The following SLC67A1 variants were observed in gnomAD, a reference collection of about 807,000 sequenced individuals.
SLC67A1 encodes solute carrier family 67 member A1.
the SLC67A1 span, chr11:2,925,029 C>G: frequency 6.2e-7 from 1 of 1,612,072 alleles, no homozygotes; most frequent in Non-Finnish European, 8.5e-7. This position sits in a 1 kb window ranked among gnomAD's most constrained non-coding sequence, Gnocchi z 6.5. Flanking sequence ...TGGGCCTCTG[C>G]GCCTCTGTAC....
chr11:2,914,399 C>A, the SLC67A1 span, among the ~76,000 whole-genome samples: 4 of 152,116 alleles, frequency 2.6e-5, no homozygotes, highest in Non-Finnish European at 4.4e-5. Context: ...GGCTGTCCGG[C>A]GTGCAGAGGC....
chr11:2,909,631 C>A, the SLC67A1 span: 2 of 1,534,102 alleles, frequency 1.3e-6, no homozygotes, highest in South Asian at 1.2e-5. Flanking sequence ...GCCCGCGGCC[C>A]TGGGCCGGCT....
the SLC67A1 span, among the ~76,000 whole-genome samples, chr11:2,911,790 G>T: frequency 6.6e-6 from 1 of 152,098 alleles, no homozygotes; most frequent in Non-Finnish European, 1.5e-5. Flanking sequence ...GCCCGTCTAC[G>T]AGGCCACAGG....
the SLC67A1 span, chr11:2,925,087 C>T: frequency 3.6e-3 from 5,784 of 1,613,838 alleles, 14 homozygotes; most frequent in Non-Finnish European, 4.2e-3. This position sits in a 1 kb window ranked among gnomAD's most constrained non-coding sequence, Gnocchi z 6.5. Context: ...CCTCCTGTAC[C>T]GCAGCTTTGG....
chr11:2,903,264 C>T, the SLC67A1 span: 8 of 1,562,038 alleles, frequency 5.1e-6, no homozygotes, highest in African/African-American at 1.4e-5. Context: ...CACCCCTGCC[C>T]GGATCAACTG....
the SLC67A1 span, among the ~76,000 whole-genome samples, chr11:2,915,467 G>T: frequency 6.6e-6 from 1 of 152,170 alleles, no homozygotes; most frequent in Admixed American, 6.5e-5. Context: ...AGATTTGGAG[G>T]ATCTGTTGAG....
chr11:2,908,420 C>G, the SLC67A1 span: 1 of 957,924 alleles, frequency 1.0e-6, no homozygotes. Context: ...GGTTCCCTGA[C>G]CCCACACCGG....
the SLC67A1 span, chr11:2,919,426 C>T: frequency 9.5e-6 from 15 of 1,582,948 alleles, no homozygotes; most frequent in African/African-American, 1.9e-4. Context: ...GCACACAGGG[C>T]CTGCTGGGGG....
chr11:2,915,963 C>T, the SLC67A1 span, among the ~76,000 whole-genome samples: 1 of 152,232 alleles, frequency 6.6e-6, no homozygotes, highest in Admixed American at 6.5e-5. Context: ...ACGGTACAGC[C>T]AGAGTCCCAG....
At chr11:2,914,680 A>G in the SLC67A1 span, 2 of 984,816 alleles carry the variant, frequency 2.0e-6, no homozygotes, top group Non-Finnish European at 2.4e-6. Flanking sequence ...TCCTGCCACC[A>G]TGCCTTGCTT....
At chr11:2,900,360 G>A in the SLC67A1 span, among the ~76,000 whole-genome samples, 100 of 152,164 alleles carry the variant, frequency 6.6e-4, no homozygotes, top group South Asian at 2.1e-3. Flanking sequence ...ATTGATTGAC[G>A]TGTGTGAATG....
chr11:2,918,190 GT>G, the SLC67A1 span: 4 of 909,482 alleles, frequency 4.4e-6, no homozygotes, highest in Non-Finnish European at 6.8e-6. Flanking sequence ...TGCCCCACAG[GT>G]CCACACAGAT....
chr11:2,901,476 G>T, the SLC67A1 span, among the ~76,000 whole-genome samples: 2 of 152,264 alleles, frequency 1.3e-5, no homozygotes, highest in Admixed American at 6.5e-5. Flanking sequence ...GCCTGGGGAG[G>T]AGGTGGGGCA....
chr11:2,906,608 C>G, the SLC67A1 span, among the ~76,000 whole-genome samples: 29 of 151,608 alleles, frequency 1.9e-4, no homozygotes, highest in Admixed American at 6.6e-5. Context: ...AGCAAACTAT[C>G]GCAAGGACAG....
chr11:2,923,106 T>TG, the SLC67A1 span, among the ~76,000 whole-genome samples: 1 of 152,188 alleles, frequency 6.6e-6, no homozygotes, highest in African/African-American at 2.4e-5. This position sits in a 1 kb window ranked among gnomAD's most constrained non-coding sequence, Gnocchi z 6.5. Context: ...TCATGCAGAC[T>TG]GGGGGTGTCC....
the SLC67A1 span, among the ~76,000 whole-genome samples, chr11:2,911,297 C>T: frequency 5.9e-5 from 9 of 152,020 alleles, no homozygotes; most frequent in African/African-American, 1.4e-4. Context: ...CATGGGGAGG[C>T]GCCCCAGGGA....
the SLC67A1 span, among the ~76,000 whole-genome samples, chr11:2,904,209 C>T: frequency 1.3e-5 from 2 of 152,232 alleles, no homozygotes; most frequent in African/African-American, 4.8e-5. Flanking sequence ...GGGCCAACCT[C>T]GGCCCTTCCT....
At chr11:2,902,959 C>T in the SLC67A1 span, among the ~76,000 whole-genome samples, 7 of 152,240 alleles carry the variant, frequency 4.6e-5, no homozygotes, top group Non-Finnish European at 7.3e-5. Context: ...TCAGCCACCA[C>T]TCCGAGCCTC....
the SLC67A1 span, chr11:2,916,451 T>C: frequency 1.0e-5 from 6 of 591,576 alleles, no homozygotes; most frequent in Non-Finnish European, 1.8e-5. Context: ...CATCACCTAA[T>C]AAATGTGCTC....
Sources: allele counts gnomAD v4.1 joint callset (sites outside exome capture counted in the v4.1 genomes callset), GRCh38; gene constraint gnomAD v4.1.1; non-coding constraint Gnocchi (gnomAD v3.1); transcripts MANE v1.5; gene names NCBI Gene and HGNC (gene_info 2026-07-23, HGNC 2026-07-21).